PLCE1: variants seen among roughly 807,000 people sequenced by gnomAD.
PLCE1 encodes the protein phospholipase C epsilon 1, also known as 1-phosphatidylinositol 4,5-bisphosphate phosphodiesterase epsilon-1.
Under a neutral mutation model 242.8 loss-of-function variants are expected in PLCE1, and 119 were observed. The ratio of observed to expected loss-of-function variants is 0.49; its 90% confidence interval spans 0.42 to 0.57. The LOEUF (loss-of-function observed/expected upper bound fraction) is 0.57, where lower values mean the gene tolerates loss of function less well. Among genes scored for constraint, PLCE1 ranks in the 20% least tolerant of loss-of-function variants. The pLI is 0.00. For synonymous variants in PLCE1, 945 were observed against 1,017.4 expected (o/e 0.93, Z 1.35); for missense variants, 2,441 against 2,788.8 (o/e 0.88, Z 2.81).
chr10:94,219,552 G>A (rs1260099144), intron 4 of PLCE1, among the ~76,000 whole-genome samples: 2 of 152,142 alleles, frequency 1.3e-5, no homozygotes, highest in African/African-American at 4.8e-5. Context: ...GCTTTAGTTG[G>A]CTGGTGTAGG....
chr10:94,034,418 A>T (rs545588494), intron 2 of PLCE1, among the ~76,000 whole-genome samples: 4 of 152,310 alleles, frequency 2.6e-5, no homozygotes, highest in Non-Finnish European at 2.9e-5. Flanking sequence ...TAACACTTTT[A>T]TTGCTAAGCA....
intron 2 of PLCE1, among the ~76,000 whole-genome samples, chr10:94,118,726 G>A (rs1203293123): frequency 6.6e-6 from 1 of 152,116 alleles, no homozygotes; most frequent in Non-Finnish European, 1.5e-5. Flanking sequence ...TTCGCAAATT[G>A]CCCAATCTTG....
intron 2 of PLCE1, among the ~76,000 whole-genome samples, chr10:94,083,733 C>T (rs1258695790): frequency 6.6e-6 from 1 of 152,200 alleles, no homozygotes; most frequent in Non-Finnish European, 1.5e-5. Flanking sequence ...ATTTTAAGAT[C>T]ATCTTTCCAG....
chr10:94,113,795 G>C (rs1179645459), intron 2 of PLCE1, among the ~76,000 whole-genome samples: 2 of 152,156 alleles, frequency 1.3e-5, no homozygotes, highest in African/African-American at 4.8e-5. Flanking sequence ...GGGATGGATA[G>C]CTGTCACAAT....
chr10:94,297,165 G>C (rs1446049202), intron 23 of PLCE1, among the ~76,000 whole-genome samples: 3 of 152,152 alleles, frequency 2.0e-5, no homozygotes, highest in Non-Finnish European at 2.9e-5. Context: ...ACCGTGACCA[G>C]CCTAGCTTTT....
intron 1 of PLCE1, among the ~76,000 whole-genome samples, chr10:94,015,511 C>T (rs2061260637): frequency 6.6e-6 from 1 of 152,140 alleles, no homozygotes; most frequent in South Asian, 2.1e-4. Flanking sequence ...GGGATTGGTG[C>T]CTGAACCAGA....
chr10:94,071,358 C>A (rs957688566), intron 2 of PLCE1, among the ~76,000 whole-genome samples: 1 of 152,102 alleles, frequency 6.6e-6, no homozygotes, highest in African/African-American at 2.4e-5. Context: ...CTTCTTACTC[C>A]CCGCACATTC....
At chr10:94,037,493 G>T (rs192929840) in intron 2 of PLCE1, among the ~76,000 whole-genome samples, 3 of 152,308 alleles carry the variant, frequency 2.0e-5, no homozygotes, top group South Asian at 4.1e-4. Flanking sequence ...TTAAAATTTC[G>T]TGGGGTGCTT....
intron 4 of PLCE1, among the ~76,000 whole-genome samples, chr10:94,183,179 A>G (rs923757236): frequency 6.6e-6 from 1 of 152,180 alleles, no homozygotes; most frequent in African/African-American, 2.4e-5. Context: ...TTTACTGCAC[A>G]TGTGAGAGCC....
At chr10:94,035,728 G>T (rs776979378) in intron 2 of PLCE1, among the ~76,000 whole-genome samples, 1 of 152,142 alleles carries the variant, frequency 6.6e-6, no homozygotes, top group African/African-American at 2.4e-5. Flanking sequence ...ATTTTCTAAG[G>T]TATGGTGTTC....
chr10:94,279,048 C>T (rs1055780605), intron 19 of PLCE1, among the ~76,000 whole-genome samples: 2 of 151,930 alleles, frequency 1.3e-5, no homozygotes, highest in Non-Finnish European at 2.9e-5. Context: ...GCTTACTGAC[C>T]CCGTTCCTCT....
At chr10:94,135,922 G>C (rs555182231) in intron 3 of PLCE1, among the ~76,000 whole-genome samples, 83 of 152,276 alleles carry the variant, frequency 5.5e-4, no homozygotes, top group African/African-American at 1.9e-3. Context: ...ATATGAAGGA[G>C]TCAGAAAATT....
chr10:94,268,882 T>C, intron 16 of PLCE1, 47 bp from the exon 17 acceptor site: 1 of 1,072,412 alleles, frequency 9.3e-7, no homozygotes, highest in Non-Finnish European at 1.5e-6. Context: ...TTCGAGGCTT[T>C]ATCTCCAGGT....
At position 94,031,584 on chromosome 10, in the gene PLCE1, C is replaced by A. The variant is rs2061558202; in HGVS notation, c.538C>A (p.Pro180Thr). The A allele has an allele frequency of 6.2e-7, 1 of 1,612,372 alleles. No individual in the cohort carries two copies. The change falls in exon 2 of 33, where the codon CCT becomes ACT. Residue 180 changes from proline (P) to threonine (T), a missense_variant. Physicochemically the swap from Pro to Thr is conservative, Grantham distance 38. This residue lies in a region of PLCE1 where 393 missense variants were observed against 378.5 expected (regional missense o/e 1.04). Transcript: ENST00000371380. ...SVIIETGRAHPDSRRAVFHFH... is the reference protein window; with the variant it reads ...SVIIETGRAHTDSRRAVFHFH... ...GATCATAGAGACAGGCAGAGCACAC[C>A]CTGACAGCAGAAGGGCAGTATTTCA... is the stretch of plus-strand genomic sequence containing the variant.
At chr10:94,327,360 C>T (rs924129549) in intron 32 of PLCE1, among the ~76,000 whole-genome samples, 11 of 151,840 alleles carry the variant, frequency 7.2e-5, no homozygotes, top group African/African-American at 2.7e-4. Context: ...TGTGGGAGGC[C>T]GAGGTGTGTG....
intron 3 of PLCE1, among the ~76,000 whole-genome samples, chr10:94,166,320 A>G (rs1283602891): frequency 6.6e-6 from 1 of 152,210 alleles, no homozygotes; most frequent in Non-Finnish European, 1.5e-5. Context: ...TACAAAGAAT[A>G]CACGTTTAAA....
intron 4 of PLCE1, among the ~76,000 whole-genome samples, chr10:94,207,918 AT>A (rs768692720): frequency 6.7e-4 from 102 of 152,360 alleles, no homozygotes; most frequent in South Asian, 1.9e-3. Context: ...TTAAATGAAT[AT>A]GTGAACAAAT....
chr10:94,056,692 G>T (rs1222075113), intron 2 of PLCE1, among the ~76,000 whole-genome samples: 1 of 151,962 alleles, frequency 6.6e-6, no homozygotes. Context: ...ACAATTCAAT[G>T]ATTTAATTTA....
At chr10:93,994,728 A>C (rs2060787367) in intron 1 of PLCE1, among the ~76,000 whole-genome samples, 1 of 152,250 alleles carries the variant, frequency 6.6e-6, no homozygotes. Flanking sequence ...TGCTACAGTA[A>C]TAAATACACT....
Sources: allele counts gnomAD v4.1 joint callset (sites outside exome capture counted in the v4.1 genomes callset), GRCh38; gene constraint gnomAD v4.1.1; regional missense constraint gnomAD v4.1.1; transcripts MANE v1.5; gene names NCBI Gene and HGNC (gene_info 2026-07-23, HGNC 2026-07-21).